CNTNAP4: variants seen among roughly 807,000 people sequenced by gnomAD.
CNTNAP4 encodes the protein contactin-associated protein-like 4.
A neutral mutation model predicts 148.4 loss-of-function variants in CNTNAP4; 98 were observed. That is an observed-to-expected ratio of 0.66 (90% CI 0.56 to 0.78). The LOEUF (loss-of-function observed/expected upper bound fraction) is 0.78. CNTNAP4 is among the 30% of genes least tolerant of loss of function. The pLI is 0.00. For missense variants in CNTNAP4, 1,935 were observed against 1,565.6 expected (o/e 1.24, Z -3.98); for synonymous variants, 730 against 565.1 (o/e 1.29, Z -4.14).
intron 3 of CNTNAP4, among the ~76,000 whole-genome samples, chr16:76,376,519 GAT>G (rs2015433594): frequency 6.6e-6 from 1 of 152,218 alleles, no homozygotes; most frequent in Admixed American, 6.5e-5. Context: ...TATGCAAAGA[GAT>G]CGTATATTTA....
At chr16:76,395,961 T>G (rs2078188949) in intron 3 of CNTNAP4, among the ~76,000 whole-genome samples, 1 of 152,104 alleles carries the variant, frequency 6.6e-6, no homozygotes, top group East Asian at 1.9e-4. Context: ...ACTCCTGACC[T>G]CAGGTGATCT....
intron 14 of CNTNAP4, among the ~76,000 whole-genome samples, chr16:76,496,085 T>TTTTGTGTGTGTG (rs142841223): frequency 7.1e-6 from 1 of 140,036 alleles, no homozygotes; most frequent in South Asian, 2.3e-4. Flanking sequence ...CAAGATTATG[T>TTTTGTGTGTGTG]TGTGTGTGTG....
At chr16:76,420,037 A>G (rs1200395118) in intron 3 of CNTNAP4, among the ~76,000 whole-genome samples, 1 of 151,958 alleles carries the variant, frequency 6.6e-6, no homozygotes, top group African/African-American at 2.4e-5. Flanking sequence ...TTTATTCTAT[A>G]GCACCATGAA....
At chr16:76,332,606 A>G (rs533503241) in intron 2 of CNTNAP4, among the ~76,000 whole-genome samples, 129 of 152,136 alleles carry the variant, frequency 8.5e-4, no homozygotes, top group Middle Eastern at 3.4e-3. Context: ...AACATTATTT[A>G]TTTAAATATT....
At chr16:76,553,760 A>T in intron 22 of CNTNAP4, 76 bp from the exon 23 acceptor site, 1 of 934,126 alleles carries the variant, frequency 1.1e-6, no homozygotes. Flanking sequence ...GTGGTTTAAA[A>T]CATTTATGAT....
Position 76,452,615 on chromosome 16 carries a change from T to C in CNTNAP4, c.1179T>C (p.Ser393=), listed in dbSNP as rs1320439694. The change falls in exon 8 of 24, where the codon TCT becomes TCC. Residue 393 remains serine (S), a synonymous_variant. Transcript: ENST00000611870. The part of the protein sequence containing the change: ...LPDFSGEEEV[S]ATFQFRTWNK... ...ACTTCTCTGGAGAGGAGGAGGTTTC[T>C]GCCACTTTTCAATTTCGAACTTGGA... 17 of 1,613,894 alleles carry C rather than the reference T, an allele frequency of 1.1e-5. No homozygotes were observed. Among genetic ancestry groups the C allele is most frequent in the Non-Finnish European group, 1.4e-5 (17 of 1,179,892 alleles).
chr16:76,375,990 G>A (rs1437056537), intron 3 of CNTNAP4, among the ~76,000 whole-genome samples: 2 of 152,090 alleles, frequency 1.3e-5, no homozygotes, highest in African/African-American at 4.8e-5. Context: ...AATAAGCGTA[G>A]CAATACTATA....
intron 3 of CNTNAP4, among the ~76,000 whole-genome samples, chr16:76,420,873 A>G (rs530693749): frequency 1.2e-4 from 18 of 152,170 alleles, no homozygotes; most frequent in Non-Finnish European, 2.5e-4. Flanking sequence ...AGGAGGGTTC[A>G]GAATTTCCAG....
chr16:76,422,853 ATAGAACGCAATCACTAGTTGT>A (rs2079239345), intron 3 of CNTNAP4, among the ~76,000 whole-genome samples: 1 of 152,182 alleles, frequency 6.6e-6, no homozygotes, highest in Non-Finnish European at 1.5e-5. Flanking sequence ...AATTGGTAAC[ATAGAACGCAATCACTAGTTGT>A]TATGGTCCAA....
rs1332692625 is a variant in CNTNAP4, at chr16:76,559,640, T to G, written c.*957T>G. On this transcript the variant is annotated 3_prime_UTR_variant, in exon 24 of 24. Coordinates refer to ENST00000611870, the MANE Select transcript of CNTNAP4 (RefSeq NM_033401.5). The stretch of plus-strand genomic sequence containing the variant: ...AACCTAGATCAGTCCTTTATTGGTT[T>G]ACATTTCTGTTTTTCTGAAGTTTAT... Among the ~76,000 whole-genome samples, 2 of 152,220 alleles carry G rather than the reference T, an allele frequency of 1.3e-5. No individual in the cohort carries two copies. Among genetic ancestry groups the G allele is most frequent in the African/African-American group, 4.8e-5 (2 of 41,458 alleles).
chr16:76,437,423 G>A (rs1467891996), intron 4 of CNTNAP4, among the ~76,000 whole-genome samples: 1 of 152,070 alleles, frequency 6.6e-6, no homozygotes, highest in African/African-American at 2.4e-5. Context: ...TAAGATACTA[G>A]AAAATAAGGA....
At chr16:76,423,629 A>G (rs953516223) in intron 3 of CNTNAP4, among the ~76,000 whole-genome samples, 1 of 152,344 alleles carries the variant, frequency 6.6e-6, no homozygotes, top group Non-Finnish European at 1.5e-5. Context: ...AATAGCATGC[A>G]CTGAACTTTT....
intron 1 of CNTNAP4, among the ~76,000 whole-genome samples, chr16:76,314,536 C>G (rs1193536511): frequency 6.6e-6 from 1 of 152,172 alleles, no homozygotes; most frequent in East Asian, 1.9e-4. Context: ...GATTAATTTT[C>G]TTAACTACTA....
intron 1 of CNTNAP4, among the ~76,000 whole-genome samples, chr16:76,283,318 G>C (rs1441052694): frequency 1.3e-5 from 2 of 151,816 alleles, no homozygotes; most frequent in African/African-American, 2.4e-5. Flanking sequence ...ATTAGTCCCA[G>C]GTTGTTTAAG....
intron 4 of CNTNAP4, among the ~76,000 whole-genome samples, chr16:76,434,388 A>G (rs2079735711): frequency 6.6e-6 from 1 of 152,204 alleles, no homozygotes; most frequent in Non-Finnish European, 1.5e-5. Flanking sequence ...GAATGGAGAA[A>G]AAGGCATTTG....
intron 3 of CNTNAP4, among the ~76,000 whole-genome samples, chr16:76,426,397 A>G (rs897153416): frequency 3.5e-4 from 54 of 152,266 alleles, no homozygotes; most frequent in African/African-American, 1.3e-3. Context: ...CTTATCATGA[A>G]CCTGCAAATG....
At chr16:76,547,365 G>T (rs990747350) in intron 21 of CNTNAP4, among the ~76,000 whole-genome samples, 2 of 152,038 alleles carry the variant, frequency 1.3e-5, no homozygotes, top group African/African-American at 4.8e-5. Flanking sequence ...TTTGAATAAT[G>T]ATGTAATTTA....
chr16:76,360,290 G>A (rs797008930), intron 3 of CNTNAP4, among the ~76,000 whole-genome samples: 27 of 152,268 alleles, frequency 1.8e-4, no homozygotes, highest in South Asian at 1.5e-3. Flanking sequence ...TATTATCACC[G>A]TGAATGATTG....
chr16:76,346,432 T>TAAA (rs59482710), intron 2 of CNTNAP4, among the ~76,000 whole-genome samples: 19,772 of 123,378 alleles, frequency 0.16, 1,827 homozygotes, highest in East Asian at 0.45. Context: ...CTAGGGAAGA[T>TAAA]AAAAAAAAAA....
Sources: gnomAD v4.1 joint callset for allele counts (sites outside exome capture counted in the v4.1 genomes callset) on GRCh38, gnomAD v4.1.1 for gene constraint, MANE v1.5 for transcripts, NCBI Gene and HGNC (gene_info 2026-07-23, HGNC 2026-07-21) for gene names.